The following STK32A variants were observed in gnomAD, a reference collection of about 807,000 sequenced individuals.
STK32A encodes serine/threonine kinase 32A, also known as serine/threonine-protein kinase 32A.
A neutral mutation model predicts 53.2 loss-of-function variants in STK32A; 41 were observed. The observed-to-expected ratio is 0.77, with a 90% CI of 0.60 to 1.00. The LOEUF (loss-of-function observed/expected upper bound fraction) is 1.00. Ranked by LOEUF, STK32A falls within the 50% of genes least tolerant of loss-of-function variation. The pLI, the probability that STK32A is intolerant of heterozygous loss-of-function variation, is 0.00. For missense variants in STK32A, 458 were observed against 485.8 expected (o/e 0.94, Z 0.54); for synonymous variants, 166 against 162.8 (o/e 1.02, Z -0.15).
intron 2 of STK32A, among the ~76,000 whole-genome samples, chr5:147,260,253 T>G (rs1422877624): frequency 6.4e-4 from 82 of 128,332 alleles, no homozygotes; most frequent in African/African-American, 2.3e-3. Context: ...TCTCTCTCTC[T>G]CCTCTCTCTC....
chr5:147,283,293 C>T (rs1360137201), intron 4 of STK32A, among the ~76,000 whole-genome samples: 4 of 151,886 alleles, frequency 2.6e-5, no homozygotes, highest in East Asian at 1.9e-4. Flanking sequence ...ACAGCAAAGG[C>T]GGTGCTAAAA....
At chr5:147,319,492 T>C (rs1754192367) in intron 4 of STK32A, among the ~76,000 whole-genome samples, 1 of 152,062 alleles carries the variant, frequency 6.6e-6, no homozygotes, top group South Asian at 2.1e-4. Flanking sequence ...TTGGAAACCA[T>C]GGGTTTGCTG....
the STK32A span, chr5:147,401,907 A>C: frequency 2.1e-6 from 1 of 465,486 alleles, no homozygotes. Context: ...AAAAGAAGCC[A>C]TTGGTTGTTA....
At chr5:147,364,215 C>CAAAAAA (rs764357691) in intron 8 of STK32A, among the ~76,000 whole-genome samples, 29 of 66,844 alleles carry the variant, frequency 4.3e-4, no homozygotes, top group Non-Finnish European at 4.9e-4. Context: ...AACTCCATCT[C>CAAAAAA]AAAAAAAAAA....
In STK32A at chr5:147,315,589, A is replaced by G. The variant is rs190609406; in HGVS notation, c.261-8309A>G. On this transcript the variant is annotated intron_variant, in intron 4 of 12. Transcript: ENST00000397936. ...AGTTGGAGAGGAGGAATAAGGAGTT[A>G]TTATTAAATGGGTATAGAGTTTCTG... Among the ~76,000 whole-genome samples the G allele has an allele frequency of 1.4e-3, 220 of 152,358 alleles. 1 individual carries two copies. Among genetic ancestry groups the G allele is most frequent in the Non-Finnish European group, 2.1e-3 (140 of 68,024 alleles).
chr5:147,359,515 G>C (rs577684364), intron 7 of STK32A, among the ~76,000 whole-genome samples: 2 of 152,296 alleles, frequency 1.3e-5, no homozygotes, highest in East Asian at 3.9e-4. Flanking sequence ...CTTGTATAGA[G>C]TAATGTTTAT....
intron 4 of STK32A, among the ~76,000 whole-genome samples, chr5:147,314,517 C>CAAAAAAAAAA (rs775692160): frequency 8.1e-5 from 1 of 12,302 alleles, no homozygotes; most frequent in East Asian, 2.1e-3. Context: ...CAAAAAAAAA[C>CAAAAAAAAAA]AAAAAAAAAC....
rs770386732 is a variant in STK32A at position 147,343,034 on chromosome 5, G to C, written c.463G>C (p.Asp155His). The change falls in exon 6 of 13, where the codon GAC (aspartate) becomes CAC (histidine). Residue 155 changes from aspartate to histidine, a missense_variant. Physicochemically the swap from Asp to His is moderately conservative, Grantham distance 81. Coordinates refer to ENST00000397936, the MANE Select transcript of STK32A (RefSeq NM_001112724.2). ...TATGAAGCCTGACAATATTTTACTT[G>C]ACGAACATGGTAAGTGAGTGATTTG... ...RDMKPDNILLDEHGHVHITDF... is the reference protein window; with the variant it reads ...RDMKPDNILLHEHGHVHITDF... 3 of 1,613,126 alleles carry C rather than the reference G, an allele frequency of 1.9e-6. No individual in the cohort carries two copies. In the South Asian group the frequency reaches 3.3e-5, roughly 18 times the overall value.
At chr5:147,245,395 T>C (rs1229696073) in intron 2 of STK32A, among the ~76,000 whole-genome samples, 1 of 152,244 alleles carries the variant, frequency 6.6e-6, no homozygotes, top group Non-Finnish European at 1.5e-5. Flanking sequence ...AACACTTCTT[T>C]TTAATGCTTA....
At chr5:147,360,427 G>T (rs761111043) in intron 7 of STK32A, among the ~76,000 whole-genome samples, 8 of 142,432 alleles carry the variant, frequency 5.6e-5, no homozygotes, top group Non-Finnish European at 6.0e-5. Flanking sequence ...ATCCAGCCTG[G>T]GCAATGGAGT....
chr5:147,247,887 C>T (rs1020227364), intron 2 of STK32A, among the ~76,000 whole-genome samples: 10 of 151,910 alleles, frequency 6.6e-5, no homozygotes, highest in Admixed American at 2.6e-4. Context: ...TTTGGGAGGC[C>T]GAGGTGGGCA....
chr5:147,341,986 A>C (rs781376981), intron 5 of STK32A, among the ~76,000 whole-genome samples: 9 of 152,172 alleles, frequency 5.9e-5, no homozygotes, highest in Non-Finnish European at 1.2e-4. Flanking sequence ...AGCCTTGGTG[A>C]ATATTATAGT....
chr5:147,309,072 A>G (rs1753563208), intron 4 of STK32A, among the ~76,000 whole-genome samples: 1 of 152,116 alleles, frequency 6.6e-6, no homozygotes, highest in African/African-American at 2.4e-5. Flanking sequence ...ACTGAGAGGA[A>G]GAAATTGGTA....
At chr5:147,314,834 T>A (rs1753912424) in intron 4 of STK32A, among the ~76,000 whole-genome samples, 1 of 150,572 alleles carries the variant, frequency 6.6e-6, no homozygotes, top group African/African-American at 2.4e-5. Context: ...AGCCTCAACA[T>A]CCTGGGCTCA....
chr5:147,312,266 AT>A (rs200386971), intron 4 of STK32A, among the ~76,000 whole-genome samples: 2 of 151,352 alleles, frequency 1.3e-5, no homozygotes, highest in Non-Finnish European at 2.9e-5. Context: ...TGCCCAGCTA[AT>A]TTTTTTTTGT....
intron 4 of STK32A, among the ~76,000 whole-genome samples, chr5:147,288,705 G>A (rs1052100556): frequency 3.9e-5 from 6 of 152,070 alleles, no homozygotes; most frequent in Non-Finnish European, 7.4e-5. Context: ...AGCACCAAGA[G>A]GATGGTGTGA....
chr5:147,238,028 G>A (rs1561660060), intron 1 of STK32A, among the ~76,000 whole-genome samples: 2 of 152,190 alleles, frequency 1.3e-5, no homozygotes, highest in Admixed American at 6.5e-5. Context: ...TTCATTCTTT[G>A]CATATCATGT....
intron 4 of STK32A, among the ~76,000 whole-genome samples, chr5:147,298,352 A>G (rs1244032608): frequency 1.3e-5 from 2 of 152,226 alleles, no homozygotes; most frequent in African/African-American, 4.8e-5. Context: ...TGTAGGTACT[A>G]TTGGAAGTAA....
the STK32A span, among the ~76,000 whole-genome samples, chr5:147,400,373 T>A: frequency 6.6e-6 from 1 of 152,206 alleles, no homozygotes; most frequent in Non-Finnish European, 1.5e-5. Context: ...GTCATAAAAC[T>A]ATCCAAACAA....
Sources: allele counts gnomAD v4.1 joint callset (sites outside exome capture counted in the v4.1 genomes callset), GRCh38; gene constraint gnomAD v4.1.1; transcripts MANE v1.5; gene names NCBI Gene and HGNC (gene_info 2026-07-23, HGNC 2026-07-21).